Variants in KCNMA1 observed in about 807,000 individuals in gnomAD.
KCNMA1 encodes the protein Calcium-activated potassium channel subunit alpha-1.
Under a neutral mutation model 140.0 loss-of-function variants are expected in KCNMA1, and 29 were observed. That is an observed-to-expected ratio of 0.21 (90% confidence interval 0.15 to 0.28). The LOEUF (loss-of-function observed/expected upper bound fraction) is 0.28, where lower values mean the gene tolerates loss of function less well. KCNMA1 is among the 10% of genes least tolerant of loss of function. KCNMA1 has a pLI of 1.00. For synonymous variants in KCNMA1, 612 were observed against 611.9 expected (o/e 1.00, Z 0.00); for missense variants, 880 against 1,602.2 (o/e 0.55, Z 7.70).
At chr10:77,567,355 G>A (rs527737630) in intron 1 of KCNMA1, among the ~76,000 whole-genome samples, 279 of 152,310 alleles carry the variant, frequency 1.8e-3, no homozygotes, top group African/African-American at 6.5e-3. Flanking sequence ...GAGCCTCGCA[G>A]TCCAAGACTG....
intron 5 of KCNMA1, among the ~76,000 whole-genome samples, chr10:77,156,442 C>T (rs2098485286): frequency 6.6e-6 from 1 of 152,172 alleles, no homozygotes; most frequent in African/African-American, 2.4e-5. Flanking sequence ...ACAGAGCTGA[C>T]TCCCTCTTGC....
intron 1 of KCNMA1, among the ~76,000 whole-genome samples, chr10:77,539,159 A>G (rs1357667894): frequency 6.6e-6 from 1 of 152,146 alleles, no homozygotes; most frequent in African/African-American, 2.4e-5. Context: ...TGAGGAACCC[A>G]CTTTTCTCTT....
chr10:77,333,414 AGAAAAGAAAG>A (rs1386131487), intron 2 of KCNMA1, among the ~76,000 whole-genome samples: 1 of 144,064 alleles, frequency 6.9e-6, no homozygotes, highest in East Asian at 2.0e-4. Flanking sequence ...AGAAAAGAAA[AGAAAAGAAAG>A]AGAAGAAAAG....
intron 2 of KCNMA1, among the ~76,000 whole-genome samples, chr10:77,375,045 A>AAC (rs10631892): frequency 0.81 from 123,297 of 151,944 alleles, 50,230 homozygotes; most frequent in Middle Eastern, 0.88. Context: ...GTCATCCAAA[A>AAC]ACAGTTATGG....
intron 19 of KCNMA1, among the ~76,000 whole-genome samples, chr10:76,976,251 T>C (rs923105303): frequency 2.0e-5 from 3 of 152,200 alleles, no homozygotes; most frequent in Non-Finnish European, 4.4e-5. Flanking sequence ...AGCTTTTGCA[T>C]TTCTGGCTTT....
At chr10:77,069,774 G>T (rs942256422) in intron 14 of KCNMA1, among the ~76,000 whole-genome samples, 4 of 152,058 alleles carry the variant, frequency 2.6e-5, no homozygotes, top group African/African-American at 7.2e-5. Flanking sequence ...TCCAGGCTGG[G>T]CCTCTTTTGT....
At chr10:76,881,031 T>C (rs902695532), downstream of KCNMA1, among the ~76,000 whole-genome samples, 3 of 151,890 alleles carry the variant, frequency 2.0e-5, no homozygotes, top group Admixed American at 6.6e-5. Context: ...AGAAGAGTCA[T>C]TTCAGTCTGT....
Position 77,069,965 on chromosome 10 carries a change from G to A in KCNMA1, c.1749+3132C>T, listed in dbSNP as rs150119845. ...TGAGTAGCTGGGACTACAGGCATGC[G>A]CCACCAGGCCCAGCTAATTTTTGTA... On this transcript the variant is annotated intron_variant, in intron 14 of 27. Transcript: ENST00000286628. 3.7e-3 allele frequency among the ~76,000 whole-genome samples: 562 copies of A among 152,194 alleles called. 8 individuals carry two copies. The highest frequency in any genetic ancestry group is 0.013 in the African/African-American group (529 of 41,522).
At chr10:77,276,887 C>T (rs1393648970) in intron 2 of KCNMA1, among the ~76,000 whole-genome samples, 2 of 151,854 alleles carry the variant, frequency 1.3e-5, no homozygotes, top group African/African-American at 2.4e-5. Context: ...CCATTTAATC[C>T]CCACAAAAAA....
At position 77,544,640 on chromosome 10, in the gene KCNMA1, A is replaced by G. The variant is rs150851550; in HGVS notation, c.378+92625T>C. Reference sequence around the variant, plus strand: ...TTCTTTAAATCTTCAGAGCAACTCTATGAAGGTATGAGGTTTCACTATAGT... The same window carrying G: ...TTCTTTAAATCTTCAGAGCAACTCTGTGAAGGTATGAGGTTTCACTATAGT... On this transcript the variant is annotated intron_variant, in intron 1 of 27. Transcript: ENST00000286628. 1.6e-4 allele frequency among the ~76,000 whole-genome samples: 25 copies of G among 152,314 alleles called. No homozygotes were observed. The East Asian group carries it at 4.4e-3, about 27-fold the overall frequency.
At chr10:77,618,590 T>C (rs2090361779) in intron 1 of KCNMA1, among the ~76,000 whole-genome samples, 1 of 152,148 alleles carries the variant, frequency 6.6e-6, no homozygotes, top group Non-Finnish European at 1.5e-5. Context: ...AGCTACTGGT[T>C]CTTCAGGAGA....
chr10:77,059,667 A>C (rs564411023), intron 14 of KCNMA1, among the ~76,000 whole-genome samples: 1 of 152,174 alleles, frequency 6.6e-6, no homozygotes, highest in Non-Finnish European at 1.5e-5. Flanking sequence ...GATTGAAAAA[A>C]ATAAAACTCT....
At chr10:77,368,238 A>G (rs1186291903) in intron 2 of KCNMA1, among the ~76,000 whole-genome samples, 1 of 152,192 alleles carries the variant, frequency 6.6e-6, no homozygotes, top group Non-Finnish European at 1.5e-5. Flanking sequence ...AGCCATTATA[A>G]TAGGTGTGTT....
chr10:77,593,305 C>A (rs762205650), intron 1 of KCNMA1, among the ~76,000 whole-genome samples: 24 of 152,188 alleles, frequency 1.6e-4, no homozygotes, highest in Non-Finnish European at 3.4e-4. Context: ...TCAAATAAGT[C>A]TCTCCCTTCC....
At chr10:76,970,229 A>G (rs2075628504) in intron 19 of KCNMA1, 162 bp from the exon 20 acceptor site, 1 of 675,292 alleles carries the variant, frequency 1.5e-6, no homozygotes, top group African/African-American at 1.8e-5. Context: ...TTAGTCAAAG[A>G]GGCCGGCTTA....
intron 13 of KCNMA1, among the ~76,000 whole-genome samples, chr10:77,078,940 T>C (rs2096482275): frequency 6.6e-6 from 1 of 152,186 alleles, no homozygotes; most frequent in Non-Finnish European, 1.5e-5. Flanking sequence ...TGAAGGAGCA[T>C]CCTTCCAGTG....
chr10:77,497,018 G>C (rs1047867045), intron 1 of KCNMA1, among the ~76,000 whole-genome samples: 1 of 152,166 alleles, frequency 6.6e-6, no homozygotes, highest in Non-Finnish European at 1.5e-5. Context: ...AAAGGACCCA[G>C]GCGAACAAAA....
intron 2 of KCNMA1, among the ~76,000 whole-genome samples, chr10:77,254,766 G>A (rs1012346175): frequency 5.3e-5 from 8 of 152,104 alleles, no homozygotes; most frequent in Non-Finnish European, 1.2e-4. Context: ...AAGGGCTGAG[G>A]CCATTGGGAA....
At chr10:77,610,516 G>A (rs1567999) in intron 1 of KCNMA1, among the ~76,000 whole-genome samples, 45,851 of 152,144 alleles carry the variant, frequency 0.3, 7,098 homozygotes, top group Middle Eastern at 0.41. Context: ...TTCCAGAGTC[G>A]GCCAGCGGTG....
Sources: allele counts gnomAD v4.1 joint callset (sites outside exome capture counted in the v4.1 genomes callset), GRCh38; gene constraint gnomAD v4.1.1; transcripts MANE v1.5; gene names NCBI Gene and HGNC (gene_info 2026-07-23, HGNC 2026-07-21).